The following HEATR5B variants were observed in gnomAD, a reference collection of about 807,000 sequenced individuals.
HEATR5B encodes HEAT repeat containing 5B.
In HEATR5B, 156 loss-of-function variants were observed where a neutral mutation model predicts 224.1. That is an observed-to-expected ratio of 0.70 (90% CI 0.61 to 0.80). The LOEUF is 0.80. HEATR5B is among the 30% of genes least tolerant of loss of function. HEATR5B has a pLI of 0.00. For synonymous variants in HEATR5B, 1,027 were observed against 893.0 expected (o/e 1.15, Z -2.68); for missense variants, 2,323 against 2,535.5 (o/e 0.92, Z 1.80).
At chr2:37,029,342 T>C (rs562835119) in intron 22 of HEATR5B, among the ~76,000 whole-genome samples, 17 of 152,238 alleles carry the variant, frequency 1.1e-4, no homozygotes, top group African/African-American at 4.1e-4. Flanking sequence ...TCTAAGTGGA[T>C]TGCATCCTAA....
chr2:36,992,922 T>C (rs2148342707), intron 33 of HEATR5B, among the ~76,000 whole-genome samples: 1 of 152,134 alleles, frequency 6.6e-6, no homozygotes. Context: ...GACAGCGTCT[T>C]ACCATATTGC....
intron 18 of HEATR5B, 34 bp from the exon 19 acceptor site, chr2:37,041,326 T>C (rs1669854246): frequency 6.2e-7 from 1 of 1,604,840 alleles, no homozygotes; most frequent in South Asian, 1.1e-5. Flanking sequence ...GCACTAACTT[T>C]GCTATTTCCC....
At position 37,040,507 on chromosome 2, in the gene HEATR5B, A is replaced by G; in HGVS notation, c.2868T>C (p.Leu956=). The G allele has an allele frequency of 6.2e-7, 1 of 1,606,802 alleles. No homozygotes were observed. Among genetic ancestry groups the G allele is most frequent in the Non-Finnish European group, 8.5e-7 (1 of 1,177,278 alleles). Residue 956 remains leucine, a synonymous_variant, in exon 20 of 36, where the codon CTT becomes CTC. Transcript: ENST00000233099. The part of the protein sequence containing the change: ...GTSPEVQTWS[L]HSLALIVDSS... ...AATCCACTATCAAAGCAAGTGAATGAAGAGACCAAGTCTAGAATAAAATAT... is the reference window on the plus strand; with the variant it reads ...AATCCACTATCAAAGCAAGTGAATGGAGAGACCAAGTCTAGAATAAAATAT...
chr2:37,009,824 C>A (rs1457580161), intron 27 of HEATR5B, among the ~76,000 whole-genome samples: 15 of 149,854 alleles, frequency 1.0e-4, no homozygotes, highest in African/African-American at 2.9e-4. Flanking sequence ...TCTGTTTCTG[C>A]CTCCACCTTC....
chr2:37,049,708 G>A lies in HEATR5B; in HGVS notation c.2641C>T (p.Gln881Ter). 1 of 1,613,988 alleles carries A rather than the reference G, an allele frequency of 6.2e-7. No individual in the cohort carries two copies. The highest frequency in any genetic ancestry group is 8.5e-7 in the Non-Finnish European group (1 of 1,179,998). ...ATAAAAGTTGCTTCTCCAACCACCT[G>A]AGCCATTCTTCCAAGAGCTTCCCCC... The part of the protein sequence containing the change: ...AAGEALGRMA[Q>*]VVGEATFIAR... The change falls in exon 18 of 36, where the codon CAG becomes TAG. Residue 881 changes from glutamine to a stop codon, truncating the protein, a stop_gained. Coordinates refer to ENST00000233099, the MANE Select transcript of HEATR5B (RefSeq NM_019024.3). LOFTEE classifies it high-confidence loss of function.
intron 24 of HEATR5B, among the ~76,000 whole-genome samples, chr2:37,025,895 T>C (rs1034159029): frequency 3.9e-5 from 6 of 152,230 alleles, no homozygotes; most frequent in African/African-American, 1.2e-4. Flanking sequence ...CTTTTTCATG[T>C]TGAATCCCTC....
intron 11 of HEATR5B, 112 bp from the exon 12 acceptor site, chr2:37,060,845 G>A: frequency 1.3e-6 from 1 of 766,872 alleles, no homozygotes; most frequent in Non-Finnish European, 2.0e-6. Context: ...GATGAAAATA[G>A]AGTAAAATAC....
chr2:37,048,735 T>A (rs893717060), intron 18 of HEATR5B, among the ~76,000 whole-genome samples: 6 of 152,342 alleles, frequency 3.9e-5, no homozygotes, highest in Admixed American at 3.3e-4. Flanking sequence ...GAAGATTAAG[T>A]GTCTGGTTAT....
intron 18 of HEATR5B, among the ~76,000 whole-genome samples, chr2:37,046,297 A>T (rs1670187157): frequency 6.6e-6 from 1 of 152,184 alleles, no homozygotes; most frequent in African/African-American, 2.4e-5. Context: ...ACTTTATTAA[A>T]ACTCTTAATA....
At chr2:37,016,519 C>A (rs1234605486) in intron 26 of HEATR5B, among the ~76,000 whole-genome samples, 1 of 152,070 alleles carries the variant, frequency 6.6e-6, no homozygotes, top group Non-Finnish European at 1.5e-5. Flanking sequence ...AAGTATACAC[C>A]TAGCAAGATG....
intron 34 of HEATR5B, among the ~76,000 whole-genome samples, chr2:36,989,520 T>C (rs1038477181): frequency 1.3e-5 from 2 of 152,206 alleles, no homozygotes; most frequent in Non-Finnish European, 2.9e-5. Context: ...AATATTTGAA[T>C]GATCTGAAAC....
At chr2:36,990,951 A>G in intron 33 of HEATR5B, 152 bp from the exon 34 acceptor site, 1 of 563,560 alleles carries the variant, frequency 1.8e-6, no homozygotes, top group East Asian at 3.1e-5. Flanking sequence ...TGGCCTCCCA[A>G]AGTGCTGGGA....
chr2:37,015,893 C>CA (rs962040768), intron 26 of HEATR5B, among the ~76,000 whole-genome samples: 7 of 149,522 alleles, frequency 4.7e-5, no homozygotes, highest in South Asian at 2.1e-4. Context: ...CAGCTTTAAA[C>CA]AAAAAAAATA....
intron 22 of HEATR5B, 55 bp from the exon 23 acceptor site, chr2:37,028,975 G>A (rs2148463200): frequency 1.3e-6 from 2 of 1,553,686 alleles, no homozygotes; most frequent in East Asian, 2.3e-5. Flanking sequence ...TACGCTATAG[G>A]TAACAATTAT....
intron 35 of HEATR5B, among the ~76,000 whole-genome samples, chr2:36,984,180 A>G (rs1489310284): frequency 1.6e-5 from 2 of 128,066 alleles, no homozygotes; most frequent in African/African-American, 6.1e-5. Context: ...AGCCTGGGCA[A>G]CAAGAGTGAA....
intron 28 of HEATR5B, among the ~76,000 whole-genome samples, chr2:37,007,656 T>A (rs1667518920): frequency 6.6e-6 from 1 of 152,164 alleles, no homozygotes; most frequent in Admixed American, 6.6e-5. Flanking sequence ...ATTATACATG[T>A]TCGCTCATTT....
chr2:37,053,548 T>C lies in HEATR5B; in HGVS notation c.2459A>G (p.Gln820Arg). 6.2e-7 allele frequency: 1 copy of C among 1,611,238 alleles called. No homozygotes were observed. Among genetic ancestry groups the C allele is most frequent in the Non-Finnish European group, 8.5e-7 (1 of 1,177,838 alleles). The change falls in exon 17 of 36, where the codon CAG (glutamine) becomes CGG (arginine). Residue 820 changes from glutamine (Q) to arginine (R), a missense_variant. By Grantham distance (43) the Gln-to-Arg change is conservative (BLOSUM62 1). Transcript: ENST00000233099. Reference sequence around the variant, plus strand: ...AGTAAATATGTTAAGCTGCACAGCCTGCTGGCGGACACCTTTAGCTTGTTT... The same window carrying C: ...AGTAAATATGTTAAGCTGCACAGCCCGCTGGCGGACACCTTTAGCTTGTTT... ...CVKQAKGVRQQAVQLNIFTAV... is the reference protein window; with the variant it reads ...CVKQAKGVRQRAVQLNIFTAV...
At chr2:36,986,448 C>A (rs985751076) in intron 35 of HEATR5B, among the ~76,000 whole-genome samples, 11 of 152,148 alleles carry the variant, frequency 7.2e-5, no homozygotes, top group African/African-American at 2.7e-4. Context: ...TGGCATAGTT[C>A]TGGATTATTA....
chr2:37,066,012 G>T (rs1052480203), intron 8 of HEATR5B, 102 bp from the exon 9 acceptor site: 1 of 977,074 alleles, frequency 1.0e-6, no homozygotes, highest in African/African-American at 1.6e-5. Context: ...GTTGATGTCC[G>T]AGTGTTAAAA....
Sources: allele counts gnomAD v4.1 joint callset (sites outside exome capture counted in the v4.1 genomes callset), GRCh38; gene constraint gnomAD v4.1.1; transcripts MANE v1.5; gene names NCBI Gene and HGNC (gene_info 2026-07-23, HGNC 2026-07-21).